BAALC: variants seen among roughly 807,000 people sequenced by gnomAD.
The protein encoded by BAALC is BAALC binder of MAP3K1 and KLF4.
BAALC carries 9 observed loss-of-function variants against 15.5 expected under a neutral mutation model. That is an observed-to-expected ratio of 0.58 (90% CI 0.35 to 1.02). The LOEUF (loss-of-function observed/expected upper bound fraction) is 1.02. BAALC is among the 50% of genes least tolerant of loss of function. The pLI is 0.02. For missense variants in BAALC, 201 were observed against 192.4 expected (o/e 1.04, Z -0.27); for synonymous variants, 80 against 74.6 (o/e 1.07, Z -0.37).
intron 1 of BAALC, among the ~76,000 whole-genome samples, chr8:103,164,089 G>T (rs776894343): frequency 2.6e-5 from 4 of 152,216 alleles, no homozygotes; most frequent in African/African-American, 4.8e-5. Flanking sequence ...AGCAGATTGG[G>T]TGGTAAGGCG....
At chr8:103,199,497 C>T (rs1350845787) in intron 1 of BAALC, among the ~76,000 whole-genome samples, 1 of 151,900 alleles carries the variant, frequency 6.6e-6, no homozygotes, top group Non-Finnish European at 1.5e-5. Context: ...CAGTGCTAGG[C>T]ACAGGGTAAG....
rs1168529607 is a variant in BAALC at position 103,229,910 on chromosome 8, GC to G, written c.*1816del. Reference sequence around the variant, plus strand: ...TCCCCACTGGCATTACTCAGCAGGAGCCCCCAGCTGCCAAAGGTTGGCAGTG... The same window carrying G: ...TCCCCACTGGCATTACTCAGCAGGAGCCCCAGCTGCCAAAGGTTGGCAGTG... On this transcript the variant is annotated 3_prime_UTR_variant, in exon 3 of 3. Transcript: ENST00000309982. 6.6e-6 allele frequency: 1 copy of G among 152,156 alleles called. No homozygotes were observed. The highest frequency in any genetic ancestry group is 1.5e-5 in the Non-Finnish European group (1 of 68,018). 9.4% of individuals were successfully genotyped at this position (152,156 alleles called of 1,614,324 possible). A position where few individuals can be genotyped will look rare whatever the true frequency, so the allele number is the denominator to read the frequency against.
intron 1 of BAALC, chr8:103,198,195 C>T (rs1037973706): frequency 1.4e-6 from 1 of 696,870 alleles, no homozygotes; most frequent in Admixed American, 2.0e-5. Context: ...GTAAAATAGG[C>T]ATTGCAATGT....
intron 1 of BAALC, among the ~76,000 whole-genome samples, chr8:103,168,099 G>A (rs1055609517): frequency 6.6e-6 from 1 of 152,072 alleles, no homozygotes; most frequent in African/African-American, 2.4e-5. Context: ...GTAACCACCA[G>A]CTCTACCGGG....
chr8:103,199,009 A>G (rs1408972729), intron 1 of BAALC, among the ~76,000 whole-genome samples: 1 of 152,256 alleles, frequency 6.6e-6, no homozygotes, highest in African/African-American at 2.4e-5. Flanking sequence ...ATTGCTATAT[A>G]GAATTCCATA....
chr8:103,214,448 C>T (rs1812515245), intron 2 of BAALC, among the ~76,000 whole-genome samples: 1 of 152,222 alleles, frequency 6.6e-6, no homozygotes, highest in Non-Finnish European at 1.5e-5. Flanking sequence ...GTTTGATAGG[C>T]TTAATCAGGT....
chr8:103,195,178 C>T (rs796146774), intron 1 of BAALC, among the ~76,000 whole-genome samples: 1 of 152,092 alleles, frequency 6.6e-6, no homozygotes, highest in Non-Finnish European at 1.5e-5. Flanking sequence ...TCTCCCCTTC[C>T]CAGCAGCGAA....
In BAALC at chr8:103,218,869, T is replaced by A. The variant is rs73282188; in HGVS notation, c.327+5784T>A. 5.6e-3 allele frequency among the ~76,000 whole-genome samples: 849 copies of A among 152,118 alleles called. 7 individuals carry two copies. Among genetic ancestry groups the A allele is most frequent in the African/African-American group, 0.019 (805 of 41,490 alleles). On this transcript the variant is annotated intron_variant, in intron 2 of 2. Coordinates refer to ENST00000309982, the MANE Select transcript of BAALC (RefSeq NM_024812.3). ...CCAGTCTGGGAAAGACAGGTGAAGG[T>A]CCACAGAGATAGGAGACCTGATCAA...
chr8:103,205,898 G>A (rs1209006776), intron 1 of BAALC, among the ~76,000 whole-genome samples: 1 of 152,180 alleles, frequency 6.6e-6, no homozygotes, highest in Non-Finnish European at 1.5e-5. Context: ...GAGTGGTGTG[G>A]AGTAGACATG....
rs77480676 is a variant in BAALC, at chr8:103,159,739, C to T, written c.160+18682C>T. Among the ~76,000 whole-genome samples, 512 of 152,202 alleles carry T rather than the reference C, an allele frequency of 3.4e-3. 3 individuals carry two copies. Among genetic ancestry groups the T allele is most frequent in the African/African-American group, 0.011 (473 of 41,546 alleles). On this transcript the variant is annotated intron_variant, in intron 1 of 2. Coordinates refer to ENST00000309982, the MANE Select transcript of BAALC (RefSeq NM_024812.3). ...TTCTGGTATGGTATGTTTTTCTAGG[C>T]TTATTATTATTTCTAGGCTTATTAT...
chr8:103,165,984 C>T (rs1415046825), intron 1 of BAALC: 1 of 152,238 alleles, frequency 6.6e-6, no homozygotes, highest in Non-Finnish European at 1.5e-5. Context: ...GTGACTGGGG[C>T]TCCTCCCAGG....
intron 1 of BAALC, chr8:103,154,520 C>T (rs1022449575): frequency 2.0e-5 from 3 of 153,256 alleles, no homozygotes; most frequent in African/African-American, 7.2e-5. Context: ...TATTCTTCCA[C>T]TCAAAGCCTT....
At chr8:103,192,867 G>C (rs1812002712) in intron 1 of BAALC, among the ~76,000 whole-genome samples, 1 of 152,158 alleles carries the variant, frequency 6.6e-6, no homozygotes, top group Non-Finnish European at 1.5e-5. Context: ...CCCATTCTGT[G>C]CTTTGCCACC....
intron 1 of BAALC, among the ~76,000 whole-genome samples, chr8:103,204,362 T>A (rs1812283613): frequency 6.6e-6 from 1 of 152,226 alleles, no homozygotes; most frequent in Non-Finnish European, 1.5e-5. Context: ...TCCTATTCTG[T>A]GGATTGCCTT....
At chr8:103,150,183 A>T (rs1810954172) in intron 1 of BAALC, among the ~76,000 whole-genome samples, 1 of 152,198 alleles carries the variant, frequency 6.6e-6, no homozygotes, top group African/African-American at 2.4e-5. Context: ...ATTCACTATT[A>T]TGAGAACAGC....
At chr8:103,156,729 G>T (rs913318746) in intron 1 of BAALC, among the ~76,000 whole-genome samples, 1 of 152,212 alleles carries the variant, frequency 6.6e-6, no homozygotes, top group African/African-American at 2.4e-5. Context: ...CAGAAATGAG[G>T]GTTTTTGGAA....
intron 1 of BAALC, among the ~76,000 whole-genome samples, chr8:103,191,600 C>T (rs562300884): frequency 2.0e-5 from 3 of 152,092 alleles, no homozygotes; most frequent in Admixed American, 6.5e-5. Flanking sequence ...CCAAACCAAG[C>T]AGAACTTCTG....
chr8:103,169,698 T>C (rs1052854483), intron 1 of BAALC, among the ~76,000 whole-genome samples: 9 of 152,226 alleles, frequency 5.9e-5, no homozygotes, highest in Non-Finnish European at 1.0e-4. Flanking sequence ...GGAAGAAGCC[T>C]GGAGTCCCAG....
chr8:103,217,169 CTG>C (rs1217588321), intron 2 of BAALC, among the ~76,000 whole-genome samples: 1 of 152,228 alleles, frequency 6.6e-6, no homozygotes, highest in East Asian at 1.9e-4. Flanking sequence ...TGTGTTGTAA[CTG>C]TTTTCAAAAT....
Sources: gnomAD v4.1 joint callset for allele counts (sites outside exome capture counted in the v4.1 genomes callset) on GRCh38, gnomAD v4.1.1 for gene constraint, MANE v1.5 for transcripts, NCBI Gene and HGNC (gene_info 2026-07-23, HGNC 2026-07-21) for gene names.